The following LRRC4C variants were observed in gnomAD, a reference collection of about 807,000 sequenced individuals.
LRRC4C encodes leucine-rich repeat-containing protein 4C.
A neutral mutation model predicts 33.6 loss-of-function variants in LRRC4C; 5 were observed. The observed-to-expected ratio is 0.15, with a 90% CI of 0.08 to 0.31. The LOEUF (loss-of-function observed/expected upper bound fraction) is 0.31. Among genes scored for constraint, LRRC4C ranks in the 10% least tolerant of loss-of-function variants. The pLI, the probability that LRRC4C is intolerant of heterozygous loss-of-function variation, is 1.00. For missense variants in LRRC4C, 560 were observed against 796.7 expected (o/e 0.70, Z 3.58); for synonymous variants, 329 against 302.0 (o/e 1.09, Z -0.93).
At chr11:40,329,737 C>CTTTTTTT (rs199598860) in intron 3 of LRRC4C, among the ~76,000 whole-genome samples, 280 of 120,390 alleles carry the variant, frequency 2.3e-3, no homozygotes, top group African/African-American at 5.8e-3. Context: ...CTTTCTTTTT[C>CTTTTTTT]TTTTTTTTTT....
intron 1 of LRRC4C, among the ~76,000 whole-genome samples, chr11:41,038,342 C>T (rs1404628313): frequency 6.6e-6 from 1 of 152,178 alleles, no homozygotes; most frequent in African/African-American, 2.4e-5. Context: ...TTTCAGTGAT[C>T]TTCTCTTTAT....
chr11:40,797,250 A>T (rs1198225342), intron 2 of LRRC4C, among the ~76,000 whole-genome samples: 1 of 152,166 alleles, frequency 6.6e-6, no homozygotes, highest in Non-Finnish European at 1.5e-5. Flanking sequence ...TGGGATATAA[A>T]AATAGAAATG....
chr11:41,351,694 A>C (rs1041699704), intron 1 of LRRC4C, among the ~76,000 whole-genome samples: 1 of 152,252 alleles, frequency 6.6e-6, no homozygotes, highest in Non-Finnish European at 1.5e-5. Flanking sequence ...TATATTCAGC[A>C]ACATGCATTA....
At chr11:40,717,155 T>G (rs144065125) in intron 2 of LRRC4C, among the ~76,000 whole-genome samples, 1 of 152,168 alleles carries the variant, frequency 6.6e-6, no homozygotes, top group African/African-American at 2.4e-5. Context: ...GCATGGGATA[T>G]TTGGTGAGGG....
intron 3 of LRRC4C, among the ~76,000 whole-genome samples, chr11:40,604,409 TC>T (rs1339469212): frequency 1.3e-5 from 2 of 152,164 alleles, no homozygotes; most frequent in Non-Finnish European, 1.5e-5. Flanking sequence ...CTCTTATATC[TC>T]AGAAGAACTC....
intron 1 of LRRC4C, among the ~76,000 whole-genome samples, chr11:41,288,212 A>T (rs1203795712): frequency 6.6e-6 from 1 of 152,234 alleles, no homozygotes; most frequent in Non-Finnish European, 1.5e-5. Flanking sequence ...TTTGCTTTCA[A>T]GAATGAAAAA....
chr11:40,257,073 T>C (rs766794157), intron 4 of LRRC4C, among the ~76,000 whole-genome samples: 7 of 152,130 alleles, frequency 4.6e-5, no homozygotes, highest in Non-Finnish European at 7.3e-5. Context: ...GGCTCTTGTA[T>C]TTTGAAGGGC....
At chr11:40,558,770 A>G (rs1289380102) in intron 3 of LRRC4C, among the ~76,000 whole-genome samples, 1 of 152,134 alleles carries the variant, frequency 6.6e-6, no homozygotes, top group Non-Finnish European at 1.5e-5. Context: ...AACACGTGTC[A>G]TGGGGGTTTG....
At chr11:40,548,712 C>T (rs936320667) in intron 3 of LRRC4C, among the ~76,000 whole-genome samples, 5 of 152,202 alleles carry the variant, frequency 3.3e-5, no homozygotes, top group South Asian at 2.1e-4. Context: ...GAAGAGAGTA[C>T]GAATGGCAGC....
chr11:41,194,935 G>T (rs574302659), intron 1 of LRRC4C, among the ~76,000 whole-genome samples: 1 of 151,976 alleles, frequency 6.6e-6, no homozygotes, highest in African/African-American at 2.4e-5. Context: ...TAGTTCCTGC[G>T]GAGGAGAAAT....
chr11:40,740,808 T>A (rs1395224183), intron 2 of LRRC4C, among the ~76,000 whole-genome samples: 2 of 152,050 alleles, frequency 1.3e-5, no homozygotes, highest in Non-Finnish European at 2.9e-5. Context: ...CTGATTTTTG[T>A]ATACGGTATG....
At chr11:41,405,993 C>T (rs963637398) in intron 1 of LRRC4C, among the ~76,000 whole-genome samples, 4 of 152,106 alleles carry the variant, frequency 2.6e-5, no homozygotes, top group African/African-American at 9.7e-5. Context: ...CACAGGACAG[C>T]TGTCTCCCTA....
At chr11:40,309,789 G>C (rs946995411) in intron 4 of LRRC4C, among the ~76,000 whole-genome samples, 1 of 152,134 alleles carries the variant, frequency 6.6e-6, no homozygotes, top group African/African-American at 2.4e-5. Flanking sequence ...TGACAGGCAA[G>C]AGACACCATG....
chr11:41,039,494 T>C (rs1461989122), intron 1 of LRRC4C, among the ~76,000 whole-genome samples: 2 of 152,158 alleles, frequency 1.3e-5, no homozygotes, highest in African/African-American at 4.8e-5. Flanking sequence ...TAAACATATA[T>C]AAAGTATAAT....
intron 1 of LRRC4C, among the ~76,000 whole-genome samples, chr11:40,936,065 T>TAG (rs1555008817): frequency 1.3e-5 from 1 of 75,822 alleles, no homozygotes; most frequent in Non-Finnish European, 2.8e-5. Flanking sequence ...TATATATATA[T>TAG]AACATAGTTT....
At chr11:40,460,146 G>C (rs1440116) in intron 3 of LRRC4C, among the ~76,000 whole-genome samples, 1 of 152,084 alleles carries the variant, frequency 6.6e-6, no homozygotes, top group Admixed American at 6.6e-5. Context: ...AGGTGATTAG[G>C]GGTCTCACTG....
At chr11:40,557,914 G>A (rs1957394736) in intron 3 of LRRC4C, among the ~76,000 whole-genome samples, 1 of 152,150 alleles carries the variant, frequency 6.6e-6, no homozygotes, top group South Asian at 2.1e-4. Context: ...TTAATGAGCC[G>A]GGAGACCTGG....
chr11:41,434,591 C>A (rs974182023), intron 1 of LRRC4C, among the ~76,000 whole-genome samples: 1 of 152,134 alleles, frequency 6.6e-6, no homozygotes, highest in Admixed American at 6.5e-5. Flanking sequence ...TCAAAGTCTG[C>A]AAATAGAAGA....
chr11:40,866,353 G>A (rs1954370284), intron 2 of LRRC4C, among the ~76,000 whole-genome samples: 1 of 152,004 alleles, frequency 6.6e-6, no homozygotes. Flanking sequence ...TACAAAGTTG[G>A]ATAAATGTGG....
Sources: gnomAD v4.1 joint callset for allele counts (sites outside exome capture counted in the v4.1 genomes callset) on GRCh38, gnomAD v4.1.1 for gene constraint, MANE v1.5 for transcripts, NCBI Gene and HGNC (gene_info 2026-07-23, HGNC 2026-07-21) for gene names.